The following POLE2 variants were observed in gnomAD, a reference collection of about 807,000 sequenced individuals.
The protein encoded by POLE2 is DNA polymerase epsilon subunit 2.
POLE2 carries 56 observed loss-of-function variants against 79.4 expected under a neutral mutation model. That is an observed-to-expected ratio of 0.71 (90% CI 0.57 to 0.88). The LOEUF (loss-of-function observed/expected upper bound fraction) is 0.88. POLE2 is among the 40% of genes least tolerant of loss of function. POLE2 has a pLI of 0.00. For synonymous variants in POLE2, 212 were observed against 214.0 expected (o/e 0.99, Z 0.08); for missense variants, 598 against 638.9 (o/e 0.94, Z 0.69).
chr14:49,685,661 C>T (rs1887074597), intron 1 of POLE2, among the ~76,000 whole-genome samples: 1 of 152,060 alleles, frequency 6.6e-6, no homozygotes, highest in Non-Finnish European at 1.5e-5. Flanking sequence ...CTCTCTTACC[C>T]AGGCTGAAGT....
intron 2 of POLE2, among the ~76,000 whole-genome samples, chr14:49,680,926 G>C (rs973034862): frequency 6.6e-6 from 1 of 152,056 alleles, no homozygotes; most frequent in Non-Finnish European, 1.5e-5. Flanking sequence ...ACAAGTATCA[G>C]TTTCTAAATG....
intron 1 of POLE2, among the ~76,000 whole-genome samples, chr14:49,686,221 G>C (rs1390374078): frequency 6.6e-6 from 1 of 151,922 alleles, no homozygotes. Context: ...ATAGCAAAAG[G>C]GATAGAATAA....
Position 49,687,262 on chromosome 14 carries a change from CA to C in POLE2, c.68+873del, listed in dbSNP as rs531800246. Among the ~76,000 whole-genome samples, 326 of 124,328 alleles carry C rather than the reference CA, an allele frequency of 2.6e-3. 1 individual carries two copies. The highest frequency in any genetic ancestry group is 4.8e-3 in the East Asian group (21 of 4,332). The allele number at this position is 124,328 out of a possible 152,430, so 81.6% of individuals were successfully genotyped here. On this transcript the variant is annotated intron_variant, in intron 1 of 18. Coordinates refer to ENST00000216367, the MANE Select transcript of POLE2 (RefSeq NM_002692.4). The stretch of plus-strand genomic sequence containing the variant: ...CTTGGGCGAGAGTGAGACCATGACT[CA>C]AAAAAAAAAAAATACATATATATAT...
At chr14:49,683,479 A>G (rs1886885024) in intron 2 of POLE2, 114 bp downstream of exon 2, 6 of 584,558 alleles carry the variant, frequency 1.0e-5, no homozygotes, top group African/African-American at 1.9e-5. Context: ...CATACATCTT[A>G]TAACACTGGG....
chr14:49,678,062 C>G (rs1176561995), intron 3 of POLE2, among the ~76,000 whole-genome samples: 1 of 151,410 alleles, frequency 6.6e-6, no homozygotes, highest in Non-Finnish European at 1.5e-5. Flanking sequence ...CAGAGTGGCA[C>G]GATCTTGGCT....
intron 1 of POLE2, among the ~76,000 whole-genome samples, chr14:49,684,856 A>T (rs1887013255): frequency 6.6e-6 from 1 of 152,068 alleles, no homozygotes; most frequent in Non-Finnish European, 1.5e-5. Context: ...GGGCGCCGGT[A>T]GTCCCAGCTA....
At chr14:49,676,413 C>G (rs1490209149) in intron 3 of POLE2, among the ~76,000 whole-genome samples, 2 of 152,186 alleles carry the variant, frequency 1.3e-5, no homozygotes, top group Non-Finnish European at 2.9e-5. Context: ...AGACACTGCT[C>G]CACTATTTTC....
intron 11 of POLE2, 46 bp downstream of exon 11, chr14:49,655,625 G>C: frequency 7.5e-7 from 1 of 1,324,946 alleles, no homozygotes; most frequent in South Asian, 1.4e-5. Flanking sequence ...TTTAAAACAT[G>C]AACCCTTAAA....
In POLE2 at chr14:49,643,588, A is replaced by G. The variant is rs1167547721; in HGVS notation, c.*64T>C. 8 of 835,158 alleles carry G rather than the reference A, an allele frequency of 9.6e-6. No individual in the cohort carries two copies. In the Admixed American group the frequency reaches 1.0e-4, roughly 11 times the overall value. The allele number at this position is 835,158 out of a possible 1,614,324, so 51.7% of individuals were successfully genotyped here. The stretch of plus-strand genomic sequence containing the variant: ...ACCATAATTTTATTGTAATATCAGA[A>G]TCACATAAGATATAGAGTTAAGCAG... On this transcript the variant is annotated 3_prime_UTR_variant, in exon 19 of 19. Transcript: ENST00000216367.
At chr14:49,665,327 C>A (rs543861682) in intron 7 of POLE2, among the ~76,000 whole-genome samples, 164 bp from the exon 8 acceptor site, 7 of 152,156 alleles carry the variant, frequency 4.6e-5, no homozygotes, top group Non-Finnish European at 7.3e-5. Context: ...AGTCTGATAA[C>A]CCCAGACTAA....
intron 10 of POLE2, among the ~76,000 whole-genome samples, chr14:49,661,214 CA>C (rs11357716): frequency 0.22 from 33,530 of 150,222 alleles, 3,952 homozygotes; most frequent in Admixed American, 0.3. Context: ...TCTTCAAATG[CA>C]AAAAAAAACT....
intron 10 of POLE2, among the ~76,000 whole-genome samples, chr14:49,661,476 A>G (rs1166982829): frequency 6.6e-6 from 1 of 152,246 alleles, no homozygotes; most frequent in Non-Finnish European, 1.5e-5. Flanking sequence ...CATAAATCAG[A>G]GCATCACAGA....
Position 49,651,311 on chromosome 14 carries a change from G to A in POLE2, c.1278C>T (p.Asn426=). Residue 426 remains asparagine (N), a synonymous_variant, in exon 16 of 19, where the codon AAC becomes AAT. Transcript: ENST00000216367. ...REDLVNKMCR[N]CVRFPSSNLA... is the part of the protein sequence containing the mutation. ...AATTGCTGCTAGGAAAACGGACGCA[G>A]TTTCTGCACATTTTATTTACTAAGT... 1.2e-6 allele frequency: 2 copies of A among 1,605,278 alleles called. No individual in the cohort carries two copies. Among genetic ancestry groups the A allele is most frequent in the South Asian group, 2.2e-5 (2 of 90,634 alleles).
At chr14:49,679,698 G>A (rs1192706128) in intron 3 of POLE2, 27 bp downstream of exon 3, 2 of 1,282,296 alleles carry the variant, frequency 1.6e-6, no homozygotes, top group East Asian at 2.3e-5. Context: ...CCTCCAAGGA[G>A]GAAAAAAGTT....
Position 49,666,313 on chromosome 14 carries a change from G to T in POLE2, c.576+17C>A. The T allele has an allele frequency of 1.5e-6, 2 of 1,377,498 alleles. No homozygotes were observed. Among genetic ancestry groups the T allele is most frequent in the Admixed American group, 2.3e-5 (1 of 43,828 alleles). The allele number at this position is 1,377,498 out of a possible 1,614,324, so 85.3% of individuals were successfully genotyped here. A position where few individuals can be genotyped will look rare whatever the true frequency, so the allele number is the denominator to read the frequency against. On this transcript the variant is annotated intron_variant, in intron 7 of 18. Transcript: ENST00000216367. ...AATCCAAGGCCAAAAATAAAAGTTT[G>T]ATGCTTATTAAGTTACCTCTTTTAA...
At chr14:49,658,039 C>T (rs543862476) in intron 10 of POLE2, among the ~76,000 whole-genome samples, 2 of 152,170 alleles carry the variant, frequency 1.3e-5, no homozygotes, top group South Asian at 2.1e-4. Context: ...CTTGCACTAC[C>T]CTGTACTGCT....
intron 17 of POLE2, among the ~76,000 whole-genome samples, chr14:49,649,503 G>A (rs891746498): frequency 6.6e-6 from 1 of 150,400 alleles, no homozygotes; most frequent in African/African-American, 2.5e-5. Context: ...AGGCTGGAGT[G>A]CAATGGCGTG....
intron 4 of POLE2, 52 bp downstream of exon 4, chr14:49,674,298 A>G (rs1185250126): frequency 9.8e-6 from 14 of 1,435,246 alleles, no homozygotes; most frequent in South Asian, 4.7e-5. Context: ...ATACCTTCTG[A>G]AAAAAAAAGT....
intron 9 of POLE2, among the ~76,000 whole-genome samples, 161 bp from the exon 10 acceptor site, chr14:49,663,548 A>G (rs1465204139): frequency 6.6e-6 from 1 of 152,252 alleles, no homozygotes; most frequent in Non-Finnish European, 1.5e-5. Context: ...CTTTAGATCC[A>G]CAGAGAGTCT....
Sources: allele counts gnomAD v4.1 joint callset (sites outside exome capture counted in the v4.1 genomes callset), GRCh38; gene constraint gnomAD v4.1.1; transcripts MANE v1.5; gene names NCBI Gene and HGNC (gene_info 2026-07-23, HGNC 2026-07-21).